Variants in KCTD16 observed in about 807,000 individuals in gnomAD.
KCTD16 encodes the protein BTB/POZ domain-containing protein KCTD16.
Under a neutral mutation model 33.2 loss-of-function variants are expected in KCTD16, and 13 were observed. That is an observed-to-expected ratio of 0.39 (90% confidence interval 0.25 to 0.62). The LOEUF is 0.62. KCTD16 is among the 20% of genes least tolerant of loss of function. The pLI is 0.50. For missense variants in KCTD16, 441 were observed against 525.1 expected, an observed-to-expected ratio of 0.84 and a Z score of 1.57; for synonymous variants, 197 against 195.3, an observed-to-expected ratio of 1.01 and a Z score of -0.07.
At chr5:144,290,760 C>G (rs1057345627) in intron 3 of KCTD16, among the ~76,000 whole-genome samples, 3 of 152,072 alleles carry the variant, frequency 2.0e-5, no homozygotes, top group Non-Finnish European at 4.4e-5. Context: ...TAGTTTTTAC[C>G]TTTCATAATT....
chr5:144,312,405 C>T (rs1206949729), intron 3 of KCTD16, among the ~76,000 whole-genome samples: 1 of 152,168 alleles, frequency 6.6e-6, no homozygotes, highest in African/African-American at 2.4e-5. Flanking sequence ...AGCTCCCTAC[C>T]TCCCTTCTAA....
At chr5:144,280,276 A>G (rs1483717608) in intron 3 of KCTD16, among the ~76,000 whole-genome samples, 1 of 152,136 alleles carries the variant, frequency 6.6e-6, no homozygotes, top group Non-Finnish European at 1.5e-5. Flanking sequence ...GATTAGTAGA[A>G]TTTACCAGTA....
At chr5:144,184,392 TTTTG>T (rs1752685577) in intron 2 of KCTD16, among the ~76,000 whole-genome samples, 1 of 152,188 alleles carries the variant, frequency 6.6e-6, no homozygotes, top group Non-Finnish European at 1.5e-5. Flanking sequence ...CTATGGCACA[TTTTG>T]TTTATCTGTT....
intron 3 of KCTD16, among the ~76,000 whole-genome samples, chr5:144,335,169 A>G (rs1752455625): frequency 6.6e-6 from 1 of 152,184 alleles, no homozygotes; most frequent in Admixed American, 6.5e-5. Context: ...TCTCCAAAGC[A>G]TTCACCCAGA....
At chr5:144,184,313 G>A (rs1273378664) in intron 2 of KCTD16, among the ~76,000 whole-genome samples, 2 of 152,090 alleles carry the variant, frequency 1.3e-5, no homozygotes. Context: ...ACTGTATATA[G>A]TATTATTCTT....
intron 3 of KCTD16, among the ~76,000 whole-genome samples, chr5:144,411,275 C>T (rs1752926936): frequency 6.6e-6 from 1 of 152,124 alleles, no homozygotes. Flanking sequence ...CACTATGTGA[C>T]TTCAAAATAT....
At chr5:144,179,826 G>A (rs1026191026) in intron 2 of KCTD16, among the ~76,000 whole-genome samples, 3 of 152,174 alleles carry the variant, frequency 2.0e-5, no homozygotes, top group Admixed American at 6.5e-5. Context: ...AATGTTGTTT[G>A]TGGTATTTAT....
At chr5:144,379,885 C>T (rs189323137) in intron 3 of KCTD16, among the ~76,000 whole-genome samples, 189 of 152,194 alleles carry the variant, frequency 1.2e-3, no homozygotes, top group African/African-American at 3.6e-3. Flanking sequence ...ATAAACCAAA[C>T]ATCCATGTAT....
intron 3 of KCTD16, among the ~76,000 whole-genome samples, chr5:144,255,539 A>T (rs1367539315): frequency 6.6e-6 from 1 of 152,156 alleles, no homozygotes; most frequent in Admixed American, 6.5e-5. Context: ...ATTTGAAATT[A>T]TGTCTCACTA....
intron 3 of KCTD16, among the ~76,000 whole-genome samples, chr5:144,325,122 T>G (rs1389234078): frequency 2.0e-5 from 3 of 152,216 alleles, no homozygotes; most frequent in Non-Finnish European, 2.9e-5. Flanking sequence ...CTATCCATGA[T>G]GGCAACGAAA....
At chr5:144,401,476 T>C (rs1272270566) in intron 3 of KCTD16, among the ~76,000 whole-genome samples, 1 of 152,164 alleles carries the variant, frequency 6.6e-6, no homozygotes, top group African/African-American at 2.4e-5. Flanking sequence ...GTTAAAGACA[T>C]ACCAATCATG....
At chr5:144,209,806 T>G (rs1056245554) in intron 3 of KCTD16, among the ~76,000 whole-genome samples, 1 of 130,058 alleles carries the variant, frequency 7.7e-6, no homozygotes, top group Non-Finnish European at 1.6e-5. Flanking sequence ...ATATATATAT[T>G]TATATGTGTG....
chr5:144,348,421 C>G (rs1257590747), intron 3 of KCTD16, among the ~76,000 whole-genome samples: 2 of 152,182 alleles, frequency 1.3e-5, no homozygotes, highest in Non-Finnish European at 1.5e-5. Flanking sequence ...AAGTCACCAG[C>G]TGGTAAATAG....
intron 3 of KCTD16, among the ~76,000 whole-genome samples, chr5:144,373,555 C>G (rs544965483): frequency 2.6e-5 from 4 of 152,142 alleles, no homozygotes; most frequent in Admixed American, 2.0e-4. Context: ...GGTCTATATC[C>G]TTCCAAGCCA....
chr5:144,366,857 T>C (rs1450733045), intron 3 of KCTD16, among the ~76,000 whole-genome samples: 4 of 152,198 alleles, frequency 2.6e-5, no homozygotes, highest in African/African-American at 4.8e-5. Context: ...AGACTCTCAC[T>C]TGTAGGAAGT....
At chr5:144,361,447 G>T (rs982458469) in intron 3 of KCTD16, among the ~76,000 whole-genome samples, 1 of 152,080 alleles carries the variant, frequency 6.6e-6, no homozygotes, top group Non-Finnish European at 1.5e-5. Context: ...TCCTGGTCCT[G>T]GTTTGAATGA....
At chr5:144,428,168 C>A (rs143931780) in intron 3 of KCTD16, among the ~76,000 whole-genome samples, 1 of 152,204 alleles carries the variant, frequency 6.6e-6, no homozygotes, top group African/African-American at 2.4e-5. Context: ...ACTAGGTACG[C>A]CTTCCTTAGT....
intron 1 of KCTD16, among the ~76,000 whole-genome samples, chr5:144,171,552 A>T (rs1340784714): frequency 6.6e-6 from 1 of 152,130 alleles, no homozygotes; most frequent in Non-Finnish European, 1.5e-5. Context: ...TAGCCATTAG[A>T]TGCCAGTACT....
chr5:144,373,891 A>C (rs903921281), intron 3 of KCTD16, among the ~76,000 whole-genome samples: 2 of 152,256 alleles, frequency 1.3e-5, no homozygotes, highest in African/African-American at 4.8e-5. Flanking sequence ...CAAATGAGCC[A>C]CAGGCGTCAT....
Sources: allele counts gnomAD v4.1 joint callset (sites outside exome capture counted in the v4.1 genomes callset), GRCh38; gene constraint gnomAD v4.1.1; transcripts MANE v1.5; gene names NCBI Gene and HGNC (gene_info 2026-07-23, HGNC 2026-07-21).